The following SLC24A2 variants were observed in gnomAD, a reference collection of about 807,000 sequenced individuals.
The protein encoded by SLC24A2 is sodium/potassium/calcium exchanger 2.
Under a neutral mutation model 62.0 loss-of-function variants are expected in SLC24A2, and 36 were observed. The ratio of observed to expected loss-of-function variants is 0.58; its 90% CI spans 0.44 to 0.77. SLC24A2 has a LOEUF of 0.77. SLC24A2 is among the 30% of genes least tolerant of loss of function. The probability of loss-of-function intolerance (pLI) is 0.00; values close to 1 mark genes in which losing one functional copy is unlikely to be tolerated. For synonymous variants in SLC24A2, 358 were observed against 294.0 expected, an observed-to-expected ratio of 1.22 and a Z score of -2.23; for missense variants, 846 against 817.9, an observed-to-expected ratio of 1.03 and a Z score of -0.42.
At chr9:20,307,248 G>A in the SLC24A2 span, among the ~76,000 whole-genome samples, 2 of 152,138 alleles carry the variant, frequency 1.3e-5, no homozygotes, top group Non-Finnish European at 2.9e-5. Context: ...CTCTTTCTCT[G>A]CTTTTAAAAA....
the SLC24A2 span, among the ~76,000 whole-genome samples, chr9:19,931,050 A>G: frequency 6.6e-6 from 1 of 152,244 alleles, no homozygotes; most frequent in Non-Finnish European, 1.5e-5. Context: ...AAGACATTAA[A>G]TAATCATGAT....
chr9:20,245,896 A>G, the SLC24A2 span, among the ~76,000 whole-genome samples: 1 of 152,182 alleles, frequency 6.6e-6, no homozygotes, highest in African/African-American at 2.4e-5. Flanking sequence ...TACTATTATT[A>G]TAGTTGTTTT....
the SLC24A2 span, among the ~76,000 whole-genome samples, chr9:19,924,289 T>G: frequency 6.6e-6 from 1 of 152,194 alleles, no homozygotes; most frequent in Non-Finnish European, 1.5e-5. Context: ...TTTAGGGTGG[T>G]TGTGCAATTT....
chr9:19,528,008 G>C, intron 9 of SLC24A2, 41 bp downstream of exon 9: 1 of 1,235,598 alleles, frequency 8.1e-7, no homozygotes, highest in Non-Finnish European at 1.2e-6. Flanking sequence ...ATCAGGACTG[G>C]AGAAAAACAA....
the SLC24A2 span, among the ~76,000 whole-genome samples, chr9:19,998,752 T>C: frequency 1.3e-5 from 2 of 152,194 alleles, no homozygotes; most frequent in African/African-American, 2.4e-5. Flanking sequence ...CTGGGAGAAA[T>C]AGAAACTCAC....
chr9:19,642,921 C>G (rs981177544), intron 2 of SLC24A2, among the ~76,000 whole-genome samples: 1 of 149,408 alleles, frequency 6.7e-6, no homozygotes, highest in Admixed American at 6.6e-5. Context: ...ACCTCGTGAT[C>G]TGCCCGCCTT....
the SLC24A2 span, among the ~76,000 whole-genome samples, chr9:19,956,345 A>G: frequency 1.3e-5 from 2 of 152,246 alleles, no homozygotes; most frequent in African/African-American, 4.8e-5. Context: ...GGAACAACTT[A>G]CACATTTGTT....
At chr9:19,993,179 G>A in the SLC24A2 span, among the ~76,000 whole-genome samples, 1 of 152,160 alleles carries the variant, frequency 6.6e-6, no homozygotes, top group African/African-American at 2.4e-5. Flanking sequence ...TCACATAGCA[G>A]AATGATTCTT....
chr9:19,714,711 T>C (rs936159718), intron 2 of SLC24A2, among the ~76,000 whole-genome samples: 1 of 152,160 alleles, frequency 6.6e-6, no homozygotes, highest in Admixed American at 6.5e-5. Context: ...GTCATTACAG[T>C]GAAACAAATT....
chr9:19,532,960 A>T (rs1226999516), intron 8 of SLC24A2, among the ~76,000 whole-genome samples: 1 of 152,206 alleles, frequency 6.6e-6, no homozygotes, highest in African/African-American at 2.4e-5. Context: ...TTTTCATCAA[A>T]GACTTGGTCC....
At chr9:20,268,750 AT>A in the SLC24A2 span, among the ~76,000 whole-genome samples, 7 of 152,210 alleles carry the variant, frequency 4.6e-5, no homozygotes, top group East Asian at 1.3e-3. Context: ...CATGTAAAGG[AT>A]TCAGGCATCC....
the SLC24A2 span, among the ~76,000 whole-genome samples, chr9:20,077,676 T>C: frequency 6.6e-6 from 1 of 152,172 alleles, no homozygotes; most frequent in Non-Finnish European, 1.5e-5. Context: ...AAGGAGTTAA[T>C]CATTCTTTGC....
At chr9:20,253,049 C>T in the SLC24A2 span, among the ~76,000 whole-genome samples, 1 of 152,230 alleles carries the variant, frequency 6.6e-6, no homozygotes, top group South Asian at 2.1e-4. Context: ...AGAAACAAGG[C>T]ACCCACTTTT....
intron 9 of SLC24A2, among the ~76,000 whole-genome samples, chr9:19,522,702 G>A (rs143306005): frequency 1.4e-3 from 213 of 152,200 alleles, no homozygotes; most frequent in African/African-American, 4.6e-3. Flanking sequence ...GATCTCCCTA[G>A]TTGACAGAAC....
At chr9:20,101,251 G>A in the SLC24A2 span, among the ~76,000 whole-genome samples, 1 of 152,230 alleles carries the variant, frequency 6.6e-6, no homozygotes, top group Non-Finnish European at 1.5e-5. Flanking sequence ...GCAGAGCCAA[G>A]GCAGATGCTG....
intron 7 of SLC24A2, among the ~76,000 whole-genome samples, chr9:19,563,331 T>C (rs1835495754): frequency 6.6e-6 from 1 of 152,042 alleles, no homozygotes; most frequent in African/African-American, 2.4e-5. Context: ...GGAAATGCAA[T>C]TCTTGCCTAT....
chr9:19,547,836 G>GAGAC (rs573654294), intron 8 of SLC24A2, among the ~76,000 whole-genome samples: 83 of 151,816 alleles, frequency 5.5e-4, no homozygotes, highest in South Asian at 3.1e-3. Flanking sequence ...GAGAGAGAGA[G>GAGAC]AGACAGACAG....
At chr9:19,559,835 C>A (rs911484576) in intron 7 of SLC24A2, among the ~76,000 whole-genome samples, 2 of 152,186 alleles carry the variant, frequency 1.3e-5, no homozygotes, top group Non-Finnish European at 2.9e-5. Flanking sequence ...TTAGTGGGAT[C>A]AGCATACTAA....
chr9:20,304,599 T>A, the SLC24A2 span, among the ~76,000 whole-genome samples: 1 of 152,348 alleles, frequency 6.6e-6, no homozygotes, highest in African/African-American at 2.4e-5. Context: ...AAGCCTACTT[T>A]ACCCATCAGA....
Sources: allele counts gnomAD v4.1 joint callset (sites outside exome capture counted in the v4.1 genomes callset), GRCh38; gene constraint gnomAD v4.1.1; transcripts MANE v1.5; gene names NCBI Gene and HGNC (gene_info 2026-07-23, HGNC 2026-07-21).